Variants in KRIT1 observed in about 807,000 individuals in gnomAD.
KRIT1 encodes the protein krev interaction trapped protein 1.
KRIT1 carries 45 observed loss-of-function variants against 95.8 expected under a neutral mutation model. That is an observed-to-expected ratio of 0.47 (90% CI 0.37 to 0.60). The LOEUF is 0.60. KRIT1 is among the 20% of genes least tolerant of loss of function. KRIT1 has a pLI of 0.00. For synonymous variants in KRIT1, 282 were observed against 278.8 expected, an observed-to-expected ratio of 1.01 and a Z score of -0.11; for missense variants, 788 against 877.5, an observed-to-expected ratio of 0.90 and a Z score of 1.29.
Position 92,240,940 on chromosome 7 carries a change from C to A in KRIT1, c.262+53G>T, listed in dbSNP as rs1799484476. On this transcript the variant is annotated intron_variant, in intron 5 of 18. Coordinates refer to ENST00000394505, the MANE Select transcript of KRIT1 (RefSeq NM_194454.3). ...AATATGTGTATATTTTTAAAAGAAT[C>A]TTTCTCCACAAGTATTTTAAACAAT... The A allele has an allele frequency of 8.9e-6, 12 of 1,351,856 alleles. No individual in the cohort carries two copies. In the South Asian group the frequency reaches 1.4e-4, roughly 16 times the overall value. 83.7% of individuals were successfully genotyped at this position (1,351,856 alleles called of 1,614,324 possible).
rs765675250 is a variant in KRIT1, at chr7:92,237,689, A to C, written c.333T>G (p.Phe111Leu). The C allele has an allele frequency of 3.7e-6, 6 of 1,603,248 alleles. No individual in the cohort carries two copies. The highest frequency in any genetic ancestry group is 5.1e-6 in the Non-Finnish European group (6 of 1,170,340). The change falls in exon 6 of 19, where the codon TTT becomes TTG. Residue 111 changes from phenylalanine (F) to leucine (L), a missense_variant. By Grantham distance (22) the Phe-to-Leu change is conservative (BLOSUM62 0). Coordinates refer to ENST00000394505, the MANE Select transcript of KRIT1 (RefSeq NM_194454.3). ...TACCTTTGACAACTGATGGAACAAT[A>C]AATAATGATGCTTCTCTGCCCATCT... ...GEKMGREASL[F>L]IVPSVVKDNT...
At chr7:92,217,752 T>A (rs1394710160) in intron 14 of KRIT1, among the ~76,000 whole-genome samples, 1 of 152,194 alleles carries the variant, frequency 6.6e-6, no homozygotes, top group Non-Finnish European at 1.5e-5. Flanking sequence ...GAGTCCTTGT[T>A]TTCAATTATT....
chr7:92,200,716 G>T lies in KRIT1; in HGVS notation c.*20C>A, dbSNP rs371118288. On this transcript the variant is annotated 3_prime_UTR_variant, in exon 19 of 19. Transcript: ENST00000394505. ...TCTGCATTACAAAATGTGGTGGCTT[G>T]AGTAACAGTTACTTCTCTTTCATGA... is the stretch of plus-strand genomic sequence containing the variant. 4 of 1,494,358 alleles carry T rather than the reference G, an allele frequency of 2.7e-6. No individual in the cohort carries two copies. The highest frequency in any genetic ancestry group is 3.3e-5 in the Admixed American group (2 of 59,796). 92.6% of individuals were successfully genotyped at this position (1,494,358 alleles called of 1,614,324 possible). A position where few individuals can be genotyped will look rare whatever the true frequency, so the allele number is the denominator to read the frequency against.
rs1793589730 is a variant in KRIT1 at position 92,214,679 on chromosome 7, C to T, written c.1662G>A (p.Leu554=). 3.1e-6 allele frequency: 5 copies of T among 1,611,472 alleles called. No homozygotes were observed. Among genetic ancestry groups the T allele is most frequent in the Non-Finnish European group, 3.4e-6 (4 of 1,177,842 alleles). Residue 554 remains leucine (L), a synonymous_variant, in exon 15 of 19, where the codon TTG becomes TTA. Transcript: ENST00000394505. The part of the protein sequence containing the change: ...YTAPDAKLIT[L]ASLLLQIVYG... Reference sequence around the variant, plus strand: ...AGACTATTTGCAAAAGCAGACTTGCCAATGTTATCAGCTTAGCATCAGGAG... The same window carrying T: ...AGACTATTTGCAAAAGCAGACTTGCTAATGTTATCAGCTTAGCATCAGGAG...
At chr7:92,218,909 C>T (rs558585745) in intron 14 of KRIT1, among the ~76,000 whole-genome samples, 1 of 152,264 alleles carries the variant, frequency 6.6e-6, no homozygotes, top group Admixed American at 6.5e-5. Context: ...ACTCCACTGC[C>T]TAATCCAAGG....
chr7:92,238,420 AG>A (rs1798876101), intron 5 of KRIT1, among the ~76,000 whole-genome samples: 1 of 152,266 alleles, frequency 6.6e-6, no homozygotes, highest in African/African-American at 2.4e-5. Context: ...CCTAGTAGGC[AG>A]GTGGGATGCC....
In KRIT1 at chr7:92,222,007, G is replaced by A; in HGVS notation, c.1458C>T (p.Asp486=). ...TCAATTCAGCAAGTATTTCTGGCCA[G>A]TCACGAACATGTTGCAAGGGTTTAT... ...PYHKPLQHVR[D]WPEILAELTN... is the part of the protein sequence containing the mutation. The change falls in exon 14 of 19, where the codon GAC becomes GAT. Residue 486 remains aspartate, a synonymous_variant. Coordinates refer to ENST00000394505, the MANE Select transcript of KRIT1 (RefSeq NM_194454.3). The A allele has an allele frequency of 6.2e-7, 1 of 1,613,490 alleles. No individual in the cohort carries two copies. The highest frequency in any genetic ancestry group is 8.5e-7 in the Non-Finnish European group (1 of 1,179,452).
chr7:92,241,107 TTC>T lies in KRIT1; in HGVS notation c.146_147del (p.Arg49LysfsTer14), dbSNP rs1057518665. 5 of 1,611,308 alleles carry T rather than the reference TTC, an allele frequency of 3.1e-6. No homozygotes were observed. Among genetic ancestry groups the T allele is most frequent in the Non-Finnish European group, 4.2e-6 (5 of 1,177,564 alleles). ...AGTTTCGTTTCCAATAAAACTTTCT[TTC>T]TCTTTTTTTTCTGTCCTTCAATGGG... ...EVPIEGQKKK[R>X]KKVLLETKLQ... is the part of the protein sequence containing the mutation. On this transcript the variant is annotated frameshift_variant, in exon 5 of 19. Transcript: ENST00000394505. LOFTEE classifies it high-confidence loss of function.
At chr7:92,239,327 T>C (rs1799087779) in intron 5 of KRIT1, among the ~76,000 whole-genome samples, 1 of 152,240 alleles carries the variant, frequency 6.6e-6, no homozygotes, top group Non-Finnish European at 1.5e-5. Flanking sequence ...GCTTATTTAA[T>C]TCACAACAAA....
chr7:92,210,578 T>C (rs1273729833), intron 17 of KRIT1, among the ~76,000 whole-genome samples: 1 of 152,174 alleles, frequency 6.6e-6, no homozygotes, highest in Non-Finnish European at 1.5e-5. Flanking sequence ...CCTATAAAAC[T>C]AGTAGAAGAA....
chr7:92,241,649 G>A (rs186409707), intron 4 of KRIT1, among the ~76,000 whole-genome samples: 20 of 152,064 alleles, frequency 1.3e-4, no homozygotes, highest in African/African-American at 4.1e-4. Context: ...AAAATTTAAG[G>A]CAAAAAAGTA....
intron 7 of KRIT1, 86 bp from the exon 8 acceptor site, chr7:92,235,732 A>G (rs907288281): frequency 7.4e-6 from 9 of 1,208,146 alleles, no homozygotes; most frequent in Non-Finnish European, 1.1e-5. Flanking sequence ...GATATATGAC[A>G]CTTGTGAATA....
intron 17 of KRIT1, chr7:92,205,624 T>TAA (rs1475472874): frequency 6.6e-6 from 1 of 151,694 alleles, no homozygotes; most frequent in Non-Finnish European, 1.5e-5. Flanking sequence ...TAATCCCAGC[T>TAA]ACTTGAGAGG....
chr7:92,223,042 CT>C, intron 12 of KRIT1, 64 bp from the exon 13 acceptor site: 2 of 1,034,800 alleles, frequency 1.9e-6, no homozygotes, highest in Non-Finnish European at 3.0e-6. Context: ...TAACAAGATA[CT>C]TTCCTTCAAC....
rs1267056941 is a variant in KRIT1, at chr7:92,225,819, T to C, written c.1155A>G (p.Thr385=). Residue 385 remains threonine (T), a synonymous_variant, in exon 12 of 19, where the codon ACA becomes ACG. Transcript: ENST00000394505. ...LNHPETDRHI[T]DQQGRSPLNI... Reference sequence around the variant, plus strand: ...TTAATGGAGATCTTCCTTGTTGGTCTGTTATATGCTAGAAATGTGGGTGGG... The same window carrying C: ...TTAATGGAGATCTTCCTTGTTGGTCCGTTATATGCTAGAAATGTGGGTGGG... The C allele has an allele frequency of 6.3e-7, 1 of 1,576,304 alleles. No homozygotes were observed. The highest frequency in any genetic ancestry group is 1.1e-5 in the South Asian group (1 of 90,316).
chr7:92,214,989 T>C lies in KRIT1; in HGVS notation c.1564-212A>G, dbSNP rs565712903. 4.8e-4 allele frequency among the ~76,000 whole-genome samples: 73 copies of C among 152,294 alleles called. 1 individual carries two copies. In the South Asian group the frequency reaches 6.8e-3, roughly 14 times the overall value. On this transcript the variant is annotated intron_variant, in intron 14 of 18. Coordinates refer to ENST00000394505, the MANE Select transcript of KRIT1 (RefSeq NM_194454.3). The stretch of plus-strand genomic sequence containing the variant: ...AATCGCTGTTGCAACTAATCAACTC[T>C]GGCACTGTAGCACAAAGAAAGCCAC...
chr7:92,240,527 G>A (rs1324222765), intron 5 of KRIT1, among the ~76,000 whole-genome samples: 2 of 152,112 alleles, frequency 1.3e-5, no homozygotes, highest in African/African-American at 4.8e-5. Flanking sequence ...TATTTTAAAT[G>A]GGGCCTTAAT....
At position 92,225,795 on chromosome 7, in the gene KRIT1, T is replaced by C. The variant is rs888049309; in HGVS notation, c.1179A>G (p.Leu393=). ...TTTGTTTGTTTTCTTCACAAATATTTAATGGAGATCTTCCTTGTTGGTCTG... is the reference window on the plus strand; with the variant it reads ...TTTGTTTGTTTTCTTCACAAATATTCAATGGAGATCTTCCTTGTTGGTCTG... The part of the protein sequence containing the change: ...HITDQQGRSP[L]NICEENKQNN... The change falls in exon 12 of 19, where the codon TTA becomes TTG. Residue 393 remains leucine (L), a synonymous_variant. Coordinates refer to ENST00000394505, the MANE Select transcript of KRIT1 (RefSeq NM_194454.3). 1.2e-6 allele frequency: 2 copies of C among 1,609,780 alleles called. No individual in the cohort carries two copies. The highest frequency in any genetic ancestry group is 1.7e-6 in the Non-Finnish European group (2 of 1,176,144).
intron 10 of KRIT1, among the ~76,000 whole-genome samples, chr7:92,233,047 A>G (rs966372576): frequency 1.3e-5 from 2 of 152,164 alleles, no homozygotes; most frequent in Non-Finnish European, 2.9e-5. Flanking sequence ...GGTAATCTAA[A>G]GAAACAACTA....
Sources: allele counts gnomAD v4.1 joint callset (sites outside exome capture counted in the v4.1 genomes callset), GRCh38; gene constraint gnomAD v4.1.1; transcripts MANE v1.5; gene names NCBI Gene and HGNC (gene_info 2026-07-23, HGNC 2026-07-21).